The following ZNF124 variants were observed in gnomAD, a reference collection of about 807,000 sequenced individuals.
ZNF124 encodes the protein zinc finger protein HZF-16.
ZNF124 carries 25 observed loss-of-function variants against 26.6 expected under a neutral mutation model. The observed-to-expected ratio is 0.94, with a 90% CI of 0.68 to 1.31. ZNF124 has a LOEUF of 1.31. Ranked by LOEUF, ZNF124 falls within the 40% of genes most tolerant of loss-of-function variation. The pLI, the probability that ZNF124 is intolerant of heterozygous loss-of-function variation, is 0.00. For missense variants in ZNF124, 444 were observed against 422.2 expected (o/e 1.05, Z -0.45); for synonymous variants, 129 against 133.3 (o/e 0.97, Z 0.22).
downstream of ZNF124, among the ~76,000 whole-genome samples, chr1:247,153,025 C>T (rs926462999): frequency 1.3e-5 from 2 of 151,622 alleles, no homozygotes; most frequent in Non-Finnish European, 2.9e-5. Flanking sequence ...TCCAGCTACT[C>T]GGGAGGCTGA....
intron 3 of ZNF124, among the ~76,000 whole-genome samples, chr1:247,136,418 C>T (rs1572061129): frequency 6.6e-6 from 1 of 152,000 alleles, no homozygotes; most frequent in Non-Finnish European, 1.5e-5. Flanking sequence ...GAATAAAATA[C>T]CTAGGAGTAC....
downstream of ZNF124, among the ~76,000 whole-genome samples, chr1:247,153,154 TA>T (rs1473524011): frequency 6.6e-6 from 1 of 150,810 alleles, no homozygotes; most frequent in African/African-American, 2.4e-5. Context: ...AAAGGTCAAA[TA>T]AAATCCAATA....
At chr1:247,125,430 CTTTT>C (rs71566695) in intron 3 of ZNF124, among the ~76,000 whole-genome samples, 227 of 43,214 alleles carry the variant, frequency 5.3e-3, no homozygotes, top group African/African-American at 0.014. Flanking sequence ...CTGTTTTTGT[CTTTT>C]TTTTTTTTTT....
At chr1:247,137,728 T>C (rs542043931) in intron 3 of ZNF124, among the ~76,000 whole-genome samples, 1 of 151,690 alleles carries the variant, frequency 6.6e-6, no homozygotes, top group African/African-American at 2.4e-5. Context: ...AGGTCTAATA[T>C]CCAGAATTTA....
intron 3 of ZNF124, chr1:247,138,044 T>G (rs1412829172): frequency 6.6e-6 from 1 of 152,236 alleles, no homozygotes; most frequent in East Asian, 1.9e-4. Context: ...GAAGACAGTG[T>G]GGCGATTCTT....
At chr1:247,132,275 C>G (rs953605756) in intron 3 of ZNF124, among the ~76,000 whole-genome samples, 1 of 152,040 alleles carries the variant, frequency 6.6e-6, no homozygotes, top group African/African-American at 2.4e-5. Context: ...TCAGAAAAAC[C>G]CCATCCAAGA....
chr1:247,159,276 C>T (rs41310581), intron 2 of ZNF124, among the ~76,000 whole-genome samples: 17,379 of 152,130 alleles, frequency 0.11, 1,271 homozygotes, highest in African/African-American at 0.18. Flanking sequence ...TTTTCTCTTA[C>T]TCTTGCAAGA....
chr1:247,128,545 C>T (rs1450813719), intron 3 of ZNF124, among the ~76,000 whole-genome samples: 5 of 148,940 alleles, frequency 3.4e-5, no homozygotes, highest in Non-Finnish European at 5.9e-5. Flanking sequence ...GGCATGAATC[C>T]CCTGGGACCG....
Position 247,155,144 on chromosome 1 carries a change from T to C in ZNF124, c.*1422A>G, listed in dbSNP as rs1213493999. 6.6e-6 allele frequency among the ~76,000 whole-genome samples: 1 copy of C among 152,116 alleles called. No homozygotes were observed. The highest frequency in any genetic ancestry group is 1.5e-5 in the Non-Finnish European group (1 of 68,026). ...TGTTACCTATGCAAATAGCCAAAAATAATGACAATGTAAAGAACAACAGAT... is the reference window on the plus strand; with the variant it reads ...TGTTACCTATGCAAATAGCCAAAAACAATGACAATGTAAAGAACAACAGAT... On this transcript the variant is annotated 3_prime_UTR_variant, in exon 4 of 4. Transcript: ENST00000543802.
chr1:247,132,926 A>G (rs569836816), intron 3 of ZNF124, among the ~76,000 whole-genome samples: 15 of 152,176 alleles, frequency 9.9e-5, no homozygotes, highest in Non-Finnish European at 1.5e-4. Flanking sequence ...TTTGAGACGC[A>G]AGTCTGCTGA....
At chr1:247,125,072 G>C (rs1365047244) in intron 3 of ZNF124, among the ~76,000 whole-genome samples, 1 of 152,078 alleles carries the variant, frequency 6.6e-6, no homozygotes, top group Non-Finnish European at 1.5e-5. Context: ...CAAAGTGCTG[G>C]GATTACAGGC....
chr1:247,170,685 T>C (rs1015714304), intron 1 of ZNF124, among the ~76,000 whole-genome samples: 2 of 143,288 alleles, frequency 1.4e-5, no homozygotes, highest in Admixed American at 1.3e-4. Context: ...CTTACAACTC[T>C]AAGGGGGTCC....
chr1:247,152,975 TA>T (rs1558382004), downstream of ZNF124, among the ~76,000 whole-genome samples: 1 of 151,890 alleles, frequency 6.6e-6, no homozygotes, highest in African/African-American at 2.4e-5. Context: ...CTACTAAAAA[TA>T]CAAAAAATTA....
chr1:247,167,937 TA>T (rs1673874162), intron 1 of ZNF124, among the ~76,000 whole-genome samples: 3 of 151,906 alleles, frequency 2.0e-5, no homozygotes, highest in African/African-American at 7.3e-5. Context: ...AAATAGCCAA[TA>T]AATATGAAAA....
intron 3 of ZNF124, among the ~76,000 whole-genome samples, chr1:247,125,936 A>G (rs1672207623): frequency 6.6e-6 from 1 of 151,816 alleles, no homozygotes; most frequent in Non-Finnish European, 1.5e-5. Context: ...GAAAAAAAGT[A>G]AATATTGTAC....
At chr1:247,170,665 C>T (rs61837914) in intron 1 of ZNF124, among the ~76,000 whole-genome samples, 1 of 143,638 alleles carries the variant, frequency 7.0e-6, no homozygotes, top group East Asian at 2.0e-4. Flanking sequence ...ATTCCTGTCC[C>T]TTTTAAGGGC....
intron 3 of ZNF124, among the ~76,000 whole-genome samples, chr1:247,158,411 C>G (rs2103122337): frequency 6.6e-6 from 1 of 152,208 alleles, no homozygotes; most frequent in Non-Finnish European, 1.5e-5. Flanking sequence ...TGGCTTTATG[C>G]TTCTGATAAA....
At chr1:247,164,709 TTCAATGCTATTCCTA>T (rs1485083804) in intron 1 of ZNF124, among the ~76,000 whole-genome samples, 17 of 152,324 alleles carry the variant, frequency 1.1e-4, no homozygotes, top group African/African-American at 4.1e-4. Context: ...GCAATTTAGA[TTCAATGCTATTCCTA>T]TCAAACTACC....
At chr1:247,148,488 G>C (rs1179159278) in intron 3 of ZNF124, among the ~76,000 whole-genome samples, 1 of 152,206 alleles carries the variant, frequency 6.6e-6, no homozygotes, top group Non-Finnish European at 1.5e-5. Context: ...GAAGGCATGA[G>C]ATTCCTAGGC....
Sources: allele counts gnomAD v4.1 joint callset (sites outside exome capture counted in the v4.1 genomes callset), GRCh38; gene constraint gnomAD v4.1.1; transcripts MANE v1.5; gene names NCBI Gene and HGNC (gene_info 2026-07-23, HGNC 2026-07-21).